OR51B5: variants seen among roughly 807,000 people sequenced by gnomAD.
OR51B5 encodes the protein olfactory receptor 51B5.
For missense variants in OR51B5, 456 were observed against 374.6 expected, an observed-to-expected ratio of 1.22 and a Z score of -1.79; for synonymous variants, 186 against 144.8, an observed-to-expected ratio of 1.28 and a Z score of -2.04.
intron 1 of OR51B5, among the ~76,000 whole-genome samples, chr11:5,487,187 T>C (rs902197888): frequency 2.6e-5 from 4 of 152,162 alleles, no homozygotes; most frequent in South Asian, 2.1e-4. Context: ...TTCTCTGGGA[T>C]TGGTCTTTTC....
At chr11:5,364,653 C>T (rs1250996130) in intron 1 of OR51B5, among the ~76,000 whole-genome samples, 11 of 145,250 alleles carry the variant, frequency 7.6e-5, no homozygotes, top group African/African-American at 2.8e-4. Context: ...TCATGTGCAT[C>T]TCTGAATATC....
chr11:5,346,459 G>A (rs927468913), upstream of OR51B5: 16 of 150,676 alleles, frequency 1.1e-4, no homozygotes, highest in African/African-American at 3.6e-4. Flanking sequence ...ATTCTATAAT[G>A]GAACACCTAG....
In OR51B5 at chr11:5,441,299, A is replaced by T. The variant is rs116727655; in HGVS notation, n.84+64270T>A. 3,910 of 1,613,944 alleles carry T rather than the reference A, an allele frequency of 2.4e-3. 76 individuals carry two copies. The African/African-American group carries it at 0.048, about 20-fold the overall frequency. The stretch of plus-strand genomic sequence containing the variant: ...GAAGTGTAGAAAAGGACACTCCCAG[A>T]TCATTGAGAGCGAGCATAGAGAGGA... On this transcript the variant is annotated intron_variant and non_coding_transcript_variant, in intron 1 of 4. Transcript: ENST00000415970.
intron 1 of OR51B5, among the ~76,000 whole-genome samples, chr11:5,495,812 T>C (rs1177676684): frequency 6.6e-6 from 1 of 152,114 alleles, no homozygotes; most frequent in East Asian, 1.9e-4. Flanking sequence ...TAAAACAAGA[T>C]CCAACTATAT....
At chr11:5,345,688 C>T (rs901837764), upstream of OR51B5, 1 of 152,160 alleles carries the variant, frequency 6.6e-6, no homozygotes. Flanking sequence ...AAAAGATGGT[C>T]GTATCCAAAT....
At chr11:5,362,968 T>TAA (rs776247574) in intron 1 of OR51B5, 33,147 of 144,772 alleles carry the variant, frequency 0.23, 3,957 homozygotes, top group Non-Finnish European at 0.26. Context: ...TGTATGGCAT[T>TAA]AAAAAAAAAA....
chr11:5,378,814 A>G lies in OR51B5; in HGVS notation n.85-31904T>C, dbSNP rs555786341. ...AATCATTAAAAAGTCAGGAAACAACAGGTGCTGGAGAGGATGTGGAGAAAT... is the reference window on the plus strand; with the variant it reads ...AATCATTAAAAAGTCAGGAAACAACGGGTGCTGGAGAGGATGTGGAGAAAT... On this transcript the variant is annotated intron_variant and non_coding_transcript_variant, in intron 1 of 4. Coordinates refer to the OR51B5 transcript ENST00000415970. Among the ~76,000 whole-genome samples the G allele has an allele frequency of 1.3e-4, 19 of 151,170 alleles. No individual in the cohort carries two copies. In the East Asian group the frequency reaches 1.5e-3, roughly 12 times the overall value.
At chr11:5,382,547 C>T (rs566247616) in intron 1 of OR51B5, among the ~76,000 whole-genome samples, 8 of 152,170 alleles carry the variant, frequency 5.3e-5, no homozygotes, top group East Asian at 3.8e-4. Context: ...CTGTCCTTGG[C>T]TAGGATCCCA....
intron 1 of OR51B5, among the ~76,000 whole-genome samples, chr11:5,387,257 G>A (rs966331244): frequency 6.6e-5 from 10 of 152,062 alleles, no homozygotes; most frequent in Non-Finnish European, 1.0e-4. Context: ...AGGAAGGCAT[G>A]GCCAGAGCAC....
chr11:5,402,026 C>CT (rs1554887915), intron 1 of OR51B5, among the ~76,000 whole-genome samples: 1 of 138,308 alleles, frequency 7.2e-6, no homozygotes, highest in Non-Finnish European at 1.6e-5. Flanking sequence ...CTTTTCTCTT[C>CT]CTTTTTCTTT....
intron 1 of OR51B5, among the ~76,000 whole-genome samples, chr11:5,375,633 A>AAAAC (rs1441837390): frequency 6.6e-6 from 1 of 152,216 alleles, no homozygotes; most frequent in Non-Finnish European, 1.5e-5. Flanking sequence ...AAGCAAATGG[A>AAAAC]AAACAAAAAA....
intron 1 of OR51B5, among the ~76,000 whole-genome samples, chr11:5,428,755 G>A (rs1850487608): frequency 6.6e-6 from 1 of 152,212 alleles, no homozygotes; most frequent in African/African-American, 2.4e-5. Context: ...AGAGAATTTA[G>A]TTTATAGTTT....
chr11:5,363,922 G>A (rs1022222057), intron 1 of OR51B5, among the ~76,000 whole-genome samples: 1 of 152,064 alleles, frequency 6.6e-6, no homozygotes, highest in African/African-American at 2.4e-5. Context: ...ATAAAAATAG[G>A]CAACTCAGAC....
At chr11:5,442,455 T>C (rs888718334) in intron 1 of OR51B5, among the ~76,000 whole-genome samples, 8 of 152,114 alleles carry the variant, frequency 5.3e-5, no homozygotes, top group East Asian at 1.9e-4. Context: ...TTTTCACTAA[T>C]CCAGTGGATA....
chr11:5,441,542 C>T, intron 1 of OR51B5: 1 of 1,543,544 alleles, frequency 6.5e-7, no homozygotes, highest in African/African-American at 1.4e-5. Context: ...AGGGAATGGA[C>T]CCAAGAGGGT....
At chr11:5,440,342 T>C (rs181579273) in intron 1 of OR51B5, among the ~76,000 whole-genome samples, 14 of 152,334 alleles carry the variant, frequency 9.2e-5, no homozygotes, top group Admixed American at 9.1e-4. Flanking sequence ...TACTTGACAA[T>C]ATTTCATACT....
At chr11:5,470,123 T>C (rs912964955) in intron 1 of OR51B5, among the ~76,000 whole-genome samples, 4 of 152,234 alleles carry the variant, frequency 2.6e-5, no homozygotes, top group Admixed American at 1.3e-4. Flanking sequence ...TTAAGAAGCA[T>C]TAAAATATTC....
chr11:5,491,934 C>G (rs1851586694), intron 1 of OR51B5, among the ~76,000 whole-genome samples: 1 of 152,200 alleles, frequency 6.6e-6, no homozygotes, highest in African/African-American at 2.4e-5. Context: ...CTTAAACAGT[C>G]CTTCTCCTGG....
intron 1 of OR51B5, among the ~76,000 whole-genome samples, chr11:5,451,757 T>G (rs1245405821): frequency 1.3e-5 from 2 of 152,094 alleles, no homozygotes; most frequent in Non-Finnish European, 2.9e-5. Context: ...CTTGCTTTGT[T>G]AGAGGTTGGA....
Sources: gnomAD v4.1 joint callset for allele counts (sites outside exome capture counted in the v4.1 genomes callset) on GRCh38, gnomAD v4.1.1 for gene constraint, MANE v1.5 for transcripts, NCBI Gene and HGNC (gene_info 2026-07-23, HGNC 2026-07-21) for gene names.